The following TIAM2 variants were observed in gnomAD, a reference collection of about 807,000 sequenced individuals.
The protein encoded by TIAM2 is rho guanine nucleotide exchange factor TIAM2.
In TIAM2, 80 loss-of-function variants were observed where a neutral mutation model predicts 152.9. That is an observed-to-expected ratio of 0.52 (90% confidence interval 0.44 to 0.63). The LOEUF (loss-of-function observed/expected upper bound fraction) is 0.63, where lower values mean the gene tolerates loss of function less well. TIAM2 is among the 30% of genes least tolerant of loss of function. The probability of loss-of-function intolerance (pLI) is 0.00; values close to 1 mark genes in which losing one functional copy is unlikely to be tolerated. For synonymous variants in TIAM2, 804 were observed against 838.0 expected (o/e 0.96, Z 0.70); for missense variants, 1,965 against 2,120.1 (o/e 0.93, Z 1.44).
rs3792965 is a variant in TIAM2, at chr6:155,182,448, G to C, written c.2800+130G>C. On this transcript the variant is annotated intron_variant, in intron 13 of 26. Transcript: ENST00000682666. ...TCCTGGAATTTTAAAGAAAGTAAAC[G>C]TAAGAGTTTAATTGGAAATGCGACC... 13 of 794,114 alleles carry C rather than the reference G, an allele frequency of 1.6e-5. No homozygotes were observed. The South Asian group carries it at 1.9e-4, about 12-fold the overall frequency. The allele number at this position is 794,114 out of a possible 1,614,324, so 49.2% of individuals were successfully genotyped here. A position where few individuals can be genotyped will look rare whatever the true frequency, so the allele number is the denominator to read the frequency against.
rs1780964376 is a variant in TIAM2, at chr6:155,183,539, T to C, written c.3064+39T>C. On this transcript the variant is annotated intron_variant, in intron 14 of 26. Transcript: ENST00000682666. ...CTGTCTTCCTTCTTAACTGCTGGTA[T>C]CAACAGCCAATATTTTTAGGCTGTA... The C allele has an allele frequency of 2.6e-6, 4 of 1,554,778 alleles. No homozygotes were observed. The South Asian group carries it at 4.9e-5, about 19-fold the overall frequency.
At chr6:155,205,775 T>G (rs925767553) in intron 14 of TIAM2, among the ~76,000 whole-genome samples, 5 of 152,174 alleles carry the variant, frequency 3.3e-5, no homozygotes, top group African/African-American at 1.2e-4. Context: ...TTTCCAAGAA[T>G]TCCCCCTTGA....
chr6:155,013,225 T>G (rs951638624), intron 1 of TIAM2, among the ~76,000 whole-genome samples: 3 of 152,150 alleles, frequency 2.0e-5, no homozygotes, highest in African/African-American at 7.2e-5. Flanking sequence ...GCTTAGTCTG[T>G]GCTCCTGCAG....
At chr6:155,058,931 G>GGA (rs1317892282) in intron 1 of TIAM2, among the ~76,000 whole-genome samples, 1 of 152,212 alleles carries the variant, frequency 6.6e-6, no homozygotes, top group Non-Finnish European at 1.5e-5. Flanking sequence ...AAACTGGAGA[G>GGA]GAGAGGGTGA....
rs113719225 is a variant in TIAM2, at chr6:155,199,329, C to T, written c.3065-11875C>T. Among the ~76,000 whole-genome samples the T allele has an allele frequency of 4.9e-3, 742 of 152,264 alleles. 6 individuals are homozygous for T. Among genetic ancestry groups the T allele is most frequent in the African/African-American group, 0.017 (705 of 41,554 alleles). On this transcript the variant is annotated intron_variant, in intron 14 of 26. Coordinates refer to ENST00000682666, the MANE Select transcript of TIAM2 (RefSeq NM_012454.4). ...CTGACCTCAGGTGATCTGCCTACCT[C>T]GGCCTCCCAAAGTGCTGGGATTACA...
intron 14 of TIAM2, among the ~76,000 whole-genome samples, chr6:155,200,936 T>C (rs995171046): frequency 1.3e-5 from 2 of 151,670 alleles, no homozygotes; most frequent in Non-Finnish European, 2.9e-5. Context: ...AATAAATAAA[T>C]AAAAATAAAA....
At position 155,218,866 on chromosome 6, in the gene TIAM2, C is replaced by A. The variant is rs1355782648; in HGVS notation, c.3168+7559C>A. Among the ~76,000 whole-genome samples the A allele has an allele frequency of 2.7e-5, 4 of 148,916 alleles. No homozygotes were observed. The highest frequency in any genetic ancestry group is 6.0e-5 in the Non-Finnish European group (4 of 67,146). On this transcript the variant is annotated intron_variant, in intron 15 of 26. Coordinates refer to ENST00000682666, the MANE Select transcript of TIAM2 (RefSeq NM_012454.4). The surrounding 1 kb of genome is among the most constrained non-coding windows in gnomAD (Gnocchi z 4.5). The stretch of plus-strand genomic sequence containing the variant: ...CCGTGTTCTCGACCATCTCAGCCGC[C>A]CACCCGTGTTCTTGACCATCTCAGC...
chr6:155,040,312 G>C (rs1417770623), intron 1 of TIAM2, among the ~76,000 whole-genome samples: 1 of 152,054 alleles, frequency 6.6e-6, no homozygotes, highest in Non-Finnish European at 1.5e-5. Flanking sequence ...TGTGGCTCAG[G>C]GCTGTAATGG....
chr6:155,252,122 A>C lies in TIAM2; in HGVS notation c.4119+119A>C. 6 of 714,634 alleles carry C rather than the reference A, an allele frequency of 8.4e-6. No homozygotes were observed. The South Asian group carries it at 1.1e-4, about 13-fold the overall frequency. The allele number at this position is 714,634 out of a possible 1,614,324, so 44.3% of individuals were successfully genotyped here. A position where few individuals can be genotyped will look rare whatever the true frequency, so the allele number is the denominator to read the frequency against. On this transcript the variant is annotated intron_variant, in intron 23 of 26. Coordinates refer to ENST00000682666, the MANE Select transcript of TIAM2 (RefSeq NM_012454.4). ...GGGCTGACTGATACTGCTTACTCTG[A>C]GGGTAACTAACCCCATCACATACTG...
intron 2 of TIAM2, among the ~76,000 whole-genome samples, chr6:155,125,971 G>T (rs1390574634): frequency 6.6e-5 from 10 of 152,118 alleles, no homozygotes; most frequent in Non-Finnish European, 1.5e-4. Context: ...CCACTTCTGG[G>T]TATATATCAT....
rs541289787 is a variant in TIAM2 at position 155,154,576 on chromosome 6, TA to T, written c.2028+6243del. On this transcript the variant is annotated intron_variant, in intron 7 of 26. Transcript: ENST00000682666. ...AGAGTTGTAAATTAAGTCCAGTTAGTACTTTATTTGCCTTTCTGCTTATTAT... is the reference window on the plus strand; with the variant it reads ...AGAGTTGTAAATTAAGTCCAGTTAGTCTTTATTTGCCTTTCTGCTTATTAT... 5.4e-3 allele frequency among the ~76,000 whole-genome samples: 819 copies of T among 152,294 alleles called. 9 individuals are homozygous for T. Among genetic ancestry groups the T allele is most frequent in the African/African-American group, 0.018 (763 of 41,552 alleles).
At chr6:155,206,368 C>T (rs1781594549) in intron 14 of TIAM2, among the ~76,000 whole-genome samples, 1 of 152,176 alleles carries the variant, frequency 6.6e-6, no homozygotes, top group Non-Finnish European at 1.5e-5. Context: ...CTGCCTCAGC[C>T]TGGGGTACAG....
chr6:155,241,859 CGCTGTAGATAT>C (rs1480995725), intron 16 of TIAM2, among the ~76,000 whole-genome samples: 1 of 152,116 alleles, frequency 6.6e-6, no homozygotes, highest in African/African-American at 2.4e-5. Context: ...CGCTGTGTGG[CGCTGTAGATAT>C]TTTGGAAGCT....
intron 26 of TIAM2, chr6:155,256,280 C>G: frequency 1.4e-6 from 1 of 692,988 alleles, no homozygotes; most frequent in Admixed American, 3.0e-5. Context: ...TGCTGAATTG[C>G]CTAACTTACA....
intron 2 of TIAM2, among the ~76,000 whole-genome samples, chr6:155,126,363 T>C (rs968104000): frequency 6.6e-6 from 1 of 152,202 alleles, no homozygotes; most frequent in African/African-American, 2.4e-5. Flanking sequence ...TTCTGCAAGA[T>C]GGAAAGAGTT....
intron 1 of TIAM2, among the ~76,000 whole-genome samples, chr6:155,033,672 A>G (rs1776864516): frequency 6.6e-6 from 1 of 150,990 alleles, no homozygotes; most frequent in South Asian, 2.1e-4. Flanking sequence ...AACTTCTGCC[A>G]TTGGCTCCTG....
At chr6:155,072,503 A>G (rs954532463) in intron 1 of TIAM2, among the ~76,000 whole-genome samples, 12 of 152,298 alleles carry the variant, frequency 7.9e-5, no homozygotes, top group Non-Finnish European at 1.3e-4. Context: ...CTGTCTTTCC[A>G]GAGCGGCTGG....
In TIAM2 at chr6:155,183,487, G is replaced by T. The variant is rs1208740185; in HGVS notation, c.3051G>T (p.Lys1017Asn). 1 of 1,612,558 alleles carries T rather than the reference G, an allele frequency of 6.2e-7. No individual in the cohort carries two copies. Among genetic ancestry groups the T allele is most frequent in the Non-Finnish European group, 8.5e-7 (1 of 1,179,562 alleles). ...AGGAATTCCTGGATAACTTTAAAAAGAATACAGCCAATGGTAAGGCTTTGT... is the reference window on the plus strand; with the variant it reads ...AGGAATTCCTGGATAACTTTAAAAATAATACAGCCAATGGTAAGGCTTTGT... The part of the protein sequence containing the change: ...LLEEFLDNFK[K>N]NTANDFSNVP... Residue 1017 changes from lysine (K) to asparagine (N), a missense_variant, in exon 14 of 27, where the codon AAG (lysine) becomes AAT (asparagine). Physicochemically the swap from Lys to Asn is moderately conservative, Grantham distance 94. This residue lies in a region of TIAM2 where 935 missense variants were observed against 980.0 expected (regional missense o/e 0.95). Transcript: ENST00000682666.
chr6:155,253,048 C>T lies in TIAM2; in HGVS notation c.4220C>T (p.Pro1407Leu). 6.2e-7 allele frequency: 1 copy of T among 1,613,626 alleles called. No homozygotes were observed. The highest frequency in any genetic ancestry group is 1.1e-5 in the South Asian group (1 of 91,036). The change falls in exon 24 of 27, where the codon CCA becomes CTA. Residue 1407 changes from proline to leucine, a missense_variant. Around this residue, in one of 3 missense-constraint regions of TIAM2, gnomAD observed 935 missense variants for 980.0 expected, o/e 0.95. Transcript: ENST00000682666. ...GCGCTTCAAGTCAGACTGGGGAATC[C>T]AGCAGGTAACTGTTTCGTGCAGTAT... ...ISALQVRLGN[P>L]AGTENNSIWE...
Sources: gnomAD v4.1 joint callset for allele counts (sites outside exome capture counted in the v4.1 genomes callset) on GRCh38, gnomAD v4.1.1 for gene constraint, gnomAD v4.1.1 regional missense constraint, Gnocchi (gnomAD v3.1) non-coding constraint, MANE v1.5 for transcripts, NCBI Gene and HGNC (gene_info 2026-07-23, HGNC 2026-07-21) for gene names.